The following SLC17A5 variants were observed in gnomAD, a reference collection of about 807,000 sequenced individuals.
The protein encoded by SLC17A5 is sialin.
SLC17A5 carries 47 observed loss-of-function variants against 59.4 expected under a neutral mutation model. That is an observed-to-expected ratio of 0.79 (90% confidence interval 0.63 to 1.01). The LOEUF (loss-of-function observed/expected upper bound fraction) is 1.01. Ranked by LOEUF, SLC17A5 falls within the 50% of genes least tolerant of loss-of-function variation. SLC17A5 has a pLI of 0.00. For missense variants in SLC17A5, 522 were observed against 595.5 expected, an observed-to-expected ratio of 0.88 and a Z score of 1.28; for synonymous variants, 202 against 210.7, an observed-to-expected ratio of 0.96 and a Z score of 0.36.
intron 10 of SLC17A5, 70 bp downstream of exon 10, chr6:73,600,281 A>G (rs1766994642): frequency 8.6e-7 from 1 of 1,166,464 alleles, no homozygotes; most frequent in African/African-American, 1.5e-5. Context: ...CTTAATTAAA[A>G]TACACTGAAC....
chr6:73,625,988 G>A (rs1338319245), intron 6 of SLC17A5, among the ~76,000 whole-genome samples: 1 of 152,160 alleles, frequency 6.6e-6, no homozygotes, highest in African/African-American at 2.4e-5. Context: ...GAGTTTGAAG[G>A]AATTTGGAAC....
At chr6:73,639,549 T>C (rs554379078) in intron 3 of SLC17A5, among the ~76,000 whole-genome samples, 1 of 152,276 alleles carries the variant, frequency 6.6e-6, no homozygotes, top group East Asian at 1.9e-4. Flanking sequence ...CTTGAGATGT[T>C]TGGAAATGCC....
intron 9 of SLC17A5, 130 bp downstream of exon 9, chr6:73,610,270 G>T: frequency 9.6e-7 from 1 of 1,040,420 alleles, no homozygotes; most frequent in Non-Finnish European, 1.4e-6. Context: ...CTGACCTCAG[G>T]TTATCTGCCT....
At chr6:73,605,255 T>TA (rs1021093531) in intron 9 of SLC17A5, among the ~76,000 whole-genome samples, 4 of 151,968 alleles carry the variant, frequency 2.6e-5, no homozygotes, top group Admixed American at 6.6e-5. Context: ...GCTACCTTGT[T>TA]AAAAAAAACA....
At chr6:73,612,821 G>A (rs1561988813) in intron 8 of SLC17A5, among the ~76,000 whole-genome samples, 2 of 152,162 alleles carry the variant, frequency 1.3e-5, no homozygotes, top group East Asian at 3.8e-4. Context: ...AAAGGCTGAG[G>A]TGGGAGGATC....
chr6:73,636,537 G>T, intron 5 of SLC17A5, 84 bp downstream of exon 5: 1 of 798,904 alleles, frequency 1.3e-6, no homozygotes. Flanking sequence ...TGATTTGGAA[G>T]ATATATTTTT....
intron 6 of SLC17A5, among the ~76,000 whole-genome samples, chr6:73,634,878 GGTC>G (rs1561997283): frequency 6.6e-6 from 1 of 152,036 alleles, no homozygotes; most frequent in Admixed American, 6.6e-5. Context: ...AACAACTAAT[GGTC>G]AGAATGAGAA....
chr6:73,603,270 TATACACGCATGCCA>T (rs1212619725), intron 9 of SLC17A5, among the ~76,000 whole-genome samples: 4 of 152,054 alleles, frequency 2.6e-5, no homozygotes, highest in African/African-American at 9.7e-5. Flanking sequence ...TAGCTGGGAC[TATACACGCATGCCA>T]TGTAGGTCAG....
chr6:73,643,630 C>T (rs1042575123), intron 2 of SLC17A5, among the ~76,000 whole-genome samples: 1 of 151,968 alleles, frequency 6.6e-6, no homozygotes, highest in Admixed American at 6.6e-5. Flanking sequence ...GTGTGTGCTA[C>T]CACGCCCAGC....
chr6:73,615,935 G>C (rs978106054), intron 7 of SLC17A5, among the ~76,000 whole-genome samples: 2 of 142,286 alleles, frequency 1.4e-5, no homozygotes, highest in African/African-American at 2.6e-5. Flanking sequence ...ACTCAGGCTG[G>C]AGTACAGGGG....
At chr6:73,600,476 G>T in intron 9 of SLC17A5, 35 bp from the exon 10 acceptor site, 4 of 1,375,172 alleles carry the variant, frequency 2.9e-6, no homozygotes, top group Non-Finnish European at 4.1e-6. Flanking sequence ...TTATTATTGT[G>T]ATACACATTT....
intron 7 of SLC17A5, among the ~76,000 whole-genome samples, chr6:73,615,838 G>A (rs1767829067): frequency 7.3e-6 from 1 of 137,692 alleles, no homozygotes; most frequent in South Asian, 2.2e-4. Flanking sequence ...AAAATAAAAT[G>A]CAGATGCAGA....
At chr6:73,599,240 C>T (rs1212431378) in intron 10 of SLC17A5, among the ~76,000 whole-genome samples, 1 of 151,810 alleles carries the variant, frequency 6.6e-6, no homozygotes, top group African/African-American at 2.4e-5. Context: ...GAGACAGGGT[C>T]TCCCGCTCTC....
intron 1 of SLC17A5, among the ~76,000 whole-genome samples, chr6:73,646,892 T>C (rs918141937): frequency 3.9e-5 from 6 of 152,126 alleles, no homozygotes; most frequent in African/African-American, 1.4e-4. Context: ...CCCAGGCTGG[T>C]CTTGAACTTT....
intron 6 of SLC17A5, among the ~76,000 whole-genome samples, chr6:73,631,154 G>A (rs1477470821): frequency 1.3e-5 from 2 of 151,342 alleles, no homozygotes; most frequent in African/African-American, 4.9e-5. Context: ...CCGAAACCAG[G>A]CCACTCTATG....
At chr6:73,640,696 C>T (rs16883995) in intron 3 of SLC17A5, among the ~76,000 whole-genome samples, 6,590 of 151,558 alleles carry the variant, frequency 0.043, 402 homozygotes, top group African/African-American at 0.14. Context: ...GGTAGAAGTT[C>T]GAAGTTATAA....
At chr6:73,636,374 G>A (rs1192154251) in intron 5 of SLC17A5, among the ~76,000 whole-genome samples, 1 of 149,336 alleles carries the variant, frequency 6.7e-6, no homozygotes, top group Non-Finnish European at 1.5e-5. Context: ...GTGATTTTTT[G>A]ATAGCAAATG....
At chr6:73,618,370 C>T (rs1767975811) in intron 7 of SLC17A5, 1 of 282,854 alleles carries the variant, frequency 3.5e-6, no homozygotes. Context: ...TTTCCTTCAT[C>T]CCTCTCCAGA....
chr6:73,624,998 C>A (rs1016654579), intron 6 of SLC17A5, among the ~76,000 whole-genome samples: 2 of 152,094 alleles, frequency 1.3e-5, no homozygotes, highest in African/African-American at 2.4e-5. Flanking sequence ...ATTTTCTATA[C>A]GCTAAGACTG....
Sources: allele counts gnomAD v4.1 joint callset (sites outside exome capture counted in the v4.1 genomes callset), GRCh38; gene constraint gnomAD v4.1.1; transcripts MANE v1.5; gene names NCBI Gene and HGNC (gene_info 2026-07-23, HGNC 2026-07-21).